The following GARRE1 variants were observed in gnomAD, a reference collection of about 807,000 sequenced individuals.
GARRE1 encodes granule associated Rac and RHOG effector 1, also known as granule associated Rac and RHOG effector protein 1.
GARRE1 carries 49 observed loss-of-function variants against 103.2 expected under a neutral mutation model. The ratio of observed to expected loss-of-function variants is 0.47; its 90% confidence interval spans 0.38 to 0.60. The LOEUF is 0.60. Among genes scored for constraint, GARRE1 ranks in the 20% least tolerant of loss-of-function variants. The pLI, the probability that GARRE1 is intolerant of heterozygous loss-of-function variation, is 0.00. For missense variants in GARRE1, 1,199 were observed against 1,370.5 expected (o/e 0.87, Z 1.98); for synonymous variants, 505 against 532.8 (o/e 0.95, Z 0.72).
intron 2 of GARRE1, among the ~76,000 whole-genome samples, chr19:34,312,427 T>TA (rs1188993035): frequency 6.6e-6 from 1 of 152,324 alleles, no homozygotes; most frequent in East Asian, 1.9e-4. Context: ...TGAAACTCTG[T>TA]ACCTGCTCAA....
At chr19:34,291,172 T>G (rs2073915874) in intron 1 of GARRE1, among the ~76,000 whole-genome samples, 1 of 152,064 alleles carries the variant, frequency 6.6e-6, no homozygotes, top group South Asian at 2.1e-4. Flanking sequence ...CCTCCCAAAG[T>G]GCTGGGATCA....
chr19:34,255,313 T>C (rs1004405194), intron 1 of GARRE1, among the ~76,000 whole-genome samples: 3 of 152,232 alleles, frequency 2.0e-5, no homozygotes, highest in African/African-American at 7.2e-5. Context: ...CTGGTTGGCA[T>C]GATAAGAATT....
At position 34,265,784 on chromosome 19, in the gene GARRE1, G is replaced by A. The variant is rs776111179; in HGVS notation, c.-796+11170G>A. Reference sequence around the variant, plus strand: ...TTTCAGAGCAGTAGCTTTCATTTACGGAGACTGAGGGTATGGCAGAGGCTG... The same window carrying A: ...TTTCAGAGCAGTAGCTTTCATTTACAGAGACTGAGGGTATGGCAGAGGCTG... On this transcript the variant is annotated intron_variant, in intron 1 of 13. Coordinates refer to ENST00000299505, the MANE Select transcript of GARRE1 (RefSeq NM_014686.5). Among the ~76,000 whole-genome samples, 29 of 152,224 alleles carry A rather than the reference G, an allele frequency of 1.9e-4. 1 individual carries two copies. Among genetic ancestry groups the A allele is most frequent in the Admixed American group, 4.6e-4 (7 of 15,284 alleles).
At chr19:34,330,542 T>C (rs970279519) in intron 7 of GARRE1, among the ~76,000 whole-genome samples, 195 bp downstream of exon 7, 2 of 152,084 alleles carry the variant, frequency 1.3e-5, no homozygotes, top group Non-Finnish European at 2.9e-5. Flanking sequence ...AAAAACCAGA[T>C]TGATAATATA....
At chr19:34,346,897 T>C (rs758390539) in intron 10 of GARRE1, among the ~76,000 whole-genome samples, 59 of 151,348 alleles carry the variant, frequency 3.9e-4, no homozygotes, top group Non-Finnish European at 7.5e-4. Context: ...GGATTACAGG[T>C]GTGAGCCACC....
intron 7 of GARRE1, among the ~76,000 whole-genome samples, chr19:34,332,449 A>T (rs1477945249): frequency 6.6e-6 from 1 of 152,024 alleles, no homozygotes; most frequent in Non-Finnish European, 1.5e-5. Flanking sequence ...AACACTGTAG[A>T]TTAAAAAAAA....
chr19:34,283,830 CTTTT>C (rs11335136), intron 1 of GARRE1, among the ~76,000 whole-genome samples: 24 of 117,218 alleles, frequency 2.0e-4, no homozygotes, highest in African/African-American at 7.2e-5. Context: ...TTCTTTCTTT[CTTTT>C]TTTTTTTTTT....
chr19:34,262,985 G>A (rs991375274), intron 1 of GARRE1, among the ~76,000 whole-genome samples: 1 of 151,950 alleles, frequency 6.6e-6, no homozygotes, highest in Non-Finnish European at 1.5e-5. Flanking sequence ...AGGCTGAGGC[G>A]GGCGGATCAC....
intron 10 of GARRE1, among the ~76,000 whole-genome samples, chr19:34,344,329 G>C (rs891342732): frequency 6.6e-6 from 1 of 152,190 alleles, no homozygotes; most frequent in Non-Finnish European, 1.5e-5. Flanking sequence ...TGTGGCTCAC[G>C]CCTGTAATCC....
At chr19:34,308,238 CTT>C (rs753284001) in intron 2 of GARRE1, among the ~76,000 whole-genome samples, 61 of 99,498 alleles carry the variant, frequency 6.1e-4, no homozygotes, top group African/African-American at 1.5e-3. Context: ...CATCCTGTTC[CTT>C]TTTTTTTTTT....
rs200918962 is a variant in GARRE1 at position 34,341,689 on chromosome 19, T to C, written c.1755T>C (p.Asp585=). The C allele has an allele frequency of 5.4e-5, 87 of 1,614,222 alleles. No individual in the cohort carries two copies. The highest frequency in any genetic ancestry group is 6.8e-5 in the Non-Finnish European group (80 of 1,180,050). ...EEKAKMPGNI[D]TRLQSILNIG... The stretch of plus-strand genomic sequence containing the variant: ...AGGCCAAAATGCCTGGCAATATTGA[T>C]ACAAGGTTACAAAGCATTTTGAACA... Residue 585 remains aspartate, a synonymous_variant, in exon 10 of 14, where the codon GAT becomes GAC. Coordinates refer to ENST00000299505, the MANE Select transcript of GARRE1 (RefSeq NM_014686.5).
intron 2 of GARRE1, among the ~76,000 whole-genome samples, chr19:34,310,709 A>G (rs1406772304): frequency 6.6e-6 from 1 of 152,166 alleles, no homozygotes; most frequent in African/African-American, 2.4e-5. Flanking sequence ...AGATAAATAA[A>G]TAGACTGGCA....
In GARRE1 at chr19:34,254,818, C is replaced by T. The variant is rs759077905; in HGVS notation, c.-796+204C>T. 2.1e-3 allele frequency among the ~76,000 whole-genome samples: 317 copies of T among 149,918 alleles called. 1 individual carries two copies. Among genetic ancestry groups the T allele is most frequent in the Admixed American group, 7.3e-3 (110 of 15,086 alleles). ...TGTGGAGGACGCCGGGCTTTGCGGGCGCTGGCCGGCCGACGGAAGCCCGGA... is the reference window on the plus strand; with the variant it reads ...TGTGGAGGACGCCGGGCTTTGCGGGTGCTGGCCGGCCGACGGAAGCCCGGA... On this transcript the variant is annotated intron_variant, in intron 1 of 13. Coordinates refer to ENST00000299505, the MANE Select transcript of GARRE1 (RefSeq NM_014686.5).
chr19:34,345,001 A>C (rs1217112334), intron 10 of GARRE1, among the ~76,000 whole-genome samples: 4 of 152,108 alleles, frequency 2.6e-5, no homozygotes. Flanking sequence ...ACCATGCCCA[A>C]CTAATTTTTT....
intron 2 of GARRE1, among the ~76,000 whole-genome samples, chr19:34,304,535 C>G (rs2073998333): frequency 6.6e-6 from 1 of 151,742 alleles, no homozygotes; most frequent in South Asian, 2.1e-4. Flanking sequence ...GCCACCACAC[C>G]TGGCTAATTT....
Position 34,353,143 on chromosome 19 carries a change from G to A in GARRE1, c.*188G>A, listed in dbSNP as rs913059519. 1.2e-4 allele frequency: 72 copies of A among 584,710 alleles called. No homozygotes were observed. Among genetic ancestry groups the A allele is most frequent in the African/African-American group, 1.1e-3 (62 of 53,954 alleles). The allele number at this position is 584,710 out of a possible 1,614,324, so 36.2% of individuals were successfully genotyped here. ...AGCCTTTAAACCTGGCTTCTGAAAC[G>A]ATGGCATCAGAGCCCTGGAGAGCCA... On this transcript the variant is annotated 3_prime_UTR_variant, in exon 14 of 14. Coordinates refer to ENST00000299505, the MANE Select transcript of GARRE1 (RefSeq NM_014686.5).
intron 3 of GARRE1, among the ~76,000 whole-genome samples, chr19:34,325,884 C>G (rs1236731915): frequency 2.0e-5 from 3 of 152,180 alleles, no homozygotes; most frequent in African/African-American, 7.2e-5. Context: ...CCCCACCCCA[C>G]CCCACACACA....
chr19:34,353,009 G>T lies in GARRE1; in HGVS notation c.*54G>T. 6.9e-7 allele frequency: 1 copy of T among 1,453,412 alleles called. No homozygotes were observed. 90.0% of individuals were successfully genotyped at this position (1,453,412 alleles called of 1,614,324 possible). A position where few individuals can be genotyped will look rare whatever the true frequency, so the allele number is the denominator to read the frequency against. ...CTGCCTGCCCGCCCAGAGCTGTGGG[G>T]ATGAGTGTCCCCACCCCAGGGCCAC... On this transcript the variant is annotated 3_prime_UTR_variant, in exon 14 of 14. Transcript: ENST00000299505.
rs540059015 is a variant in GARRE1, at chr19:34,299,823, C to T, written c.-651C>T. 1.3e-5 allele frequency: 2 copies of T among 152,108 alleles called. No homozygotes were observed. Among genetic ancestry groups the T allele is most frequent in the South Asian group, 4.2e-4 (2 of 4,816 alleles). 9.4% of individuals were successfully genotyped at this position (152,108 alleles called of 1,614,324 possible). On this transcript the variant is annotated 5_prime_UTR_variant, in exon 2 of 14. Transcript: ENST00000299505. The stretch of plus-strand genomic sequence containing the variant: ...CAAACAAAAGGAATGGAGGAGGAGA[C>T]TTACAACAAACGCCATTTAAAAAAA...
Sources: gnomAD v4.1 joint callset for allele counts (sites outside exome capture counted in the v4.1 genomes callset) on GRCh38, gnomAD v4.1.1 for gene constraint, MANE v1.5 for transcripts, NCBI Gene and HGNC (gene_info 2026-07-23, HGNC 2026-07-21) for gene names.